Variants in SHISA9 observed in about 807,000 individuals in gnomAD.
The protein encoded by SHISA9 is shisa family member 9.
A neutral mutation model predicts 38.0 loss-of-function variants in SHISA9; 13 were observed. The observed-to-expected ratio is 0.34, with a 90% CI of 0.22 to 0.54. SHISA9 has a LOEUF of 0.54. Ranked by LOEUF, SHISA9 falls within the 20% of genes least tolerant of loss-of-function variation. SHISA9 has a pLI of 0.91. For synonymous variants in SHISA9, 275 were observed against 242.0 expected, an observed-to-expected ratio of 1.14 and a Z score of -1.27; for missense variants, 538 against 575.8, an observed-to-expected ratio of 0.93 and a Z score of 0.67.
rs557195159 is a variant in SHISA9 at position 13,202,149 on chromosome 16, C to G, written c.692-1245C>G. 4.1e-5 allele frequency among the ~76,000 whole-genome samples: 5 copies of G among 122,874 alleles called. 1 individual carries two copies. In the South Asian group the frequency reaches 1.3e-3, roughly 31 times the overall value. The allele number at this position is 122,874 out of a possible 152,430, so 80.6% of individuals were successfully genotyped here. ...GAAGATGGTGACACTTACCAGTGTT[C>G]ACTGGGTCCTGCCACCCTCTCCAAC... On this transcript the variant is annotated intron_variant, in intron 2 of 4. Transcript: ENST00000558583.
intron 2 of SHISA9, among the ~76,000 whole-genome samples, chr16:12,960,324 A>G (rs1039954332): frequency 2.0e-5 from 3 of 152,198 alleles, no homozygotes; most frequent in Non-Finnish European, 4.4e-5. Context: ...GTACATGTGC[A>G]GGATGTGCAG....
At chr16:12,919,032 T>C (rs2141724467) in intron 2 of SHISA9, among the ~76,000 whole-genome samples, 1 of 152,326 alleles carries the variant, frequency 6.6e-6, no homozygotes, top group East Asian at 1.9e-4. Context: ...CAGGAGCTAC[T>C]TACATATTAT....
At chr16:13,069,547 G>T (rs13332787) in intron 2 of SHISA9, among the ~76,000 whole-genome samples, 10,846 of 151,208 alleles carry the variant, frequency 0.072, 539 homozygotes, top group Admixed American at 0.15. Flanking sequence ...GCATGTGTAG[G>T]GTGTATGTAT....
intron 2 of SHISA9, among the ~76,000 whole-genome samples, chr16:12,918,405 T>C (rs749924104): frequency 2.6e-5 from 4 of 152,200 alleles, no homozygotes; most frequent in Non-Finnish European, 4.4e-5. Flanking sequence ...TAAAAGGTGA[T>C]TGCTAACAGG....
the SHISA9 span, among the ~76,000 whole-genome samples, chr16:13,288,105 C>G: frequency 6.6e-6 from 1 of 151,508 alleles, no homozygotes; most frequent in Non-Finnish European, 1.5e-5. Context: ...GCTGGGTGGC[C>G]AAGGTGATAA....
At chr16:13,474,717 C>G in the SHISA9 span, among the ~76,000 whole-genome samples, 2 of 152,206 alleles carry the variant, frequency 1.3e-5, no homozygotes, top group East Asian at 3.8e-4. Context: ...GAGCAGCTCA[C>G]TGGGGAAGGC....
At chr16:13,482,924 G>C in the SHISA9 span, among the ~76,000 whole-genome samples, 1 of 152,152 alleles carries the variant, frequency 6.6e-6, no homozygotes, top group Non-Finnish European at 1.5e-5. Flanking sequence ...TATTTAAGGT[G>C]AGAGTGTGGC....
intron 3 of SHISA9, among the ~76,000 whole-genome samples, chr16:13,211,616 T>G (rs140346431): frequency 6.6e-6 from 1 of 152,368 alleles, no homozygotes; most frequent in African/African-American, 2.4e-5. Context: ...TCCATGAGTG[T>G]GACCAAGTAC....
chr16:13,116,870 C>T (rs1247924198), intron 2 of SHISA9, among the ~76,000 whole-genome samples: 1 of 152,206 alleles, frequency 6.6e-6, no homozygotes, highest in Non-Finnish European at 1.5e-5. Context: ...ATGCATTACA[C>T]TTATTAATAT....
the SHISA9 span, among the ~76,000 whole-genome samples, chr16:13,259,101 C>A: frequency 5.3e-5 from 8 of 152,176 alleles, no homozygotes; most frequent in Admixed American, 3.3e-4. Flanking sequence ...TTCCTAGATA[C>A]AATGGGGGTA....
the SHISA9 span, among the ~76,000 whole-genome samples, chr16:13,377,564 T>G: frequency 6.6e-6 from 1 of 152,212 alleles, no homozygotes; most frequent in Admixed American, 6.5e-5. Context: ...CCCGATCACC[T>G]TTAATATGCT....
At chr16:13,405,484 C>T in the SHISA9 span, among the ~76,000 whole-genome samples, 2 of 152,178 alleles carry the variant, frequency 1.3e-5, no homozygotes, top group African/African-American at 2.4e-5. Flanking sequence ...GTTTCTTCAA[C>T]ATTTATTTTA....
At chr16:13,461,788 T>A in the SHISA9 span, among the ~76,000 whole-genome samples, 1,248 of 151,542 alleles carry the variant, frequency 8.2e-3, 16 homozygotes, top group African/African-American at 0.029. Flanking sequence ...TAATTTTTTG[T>A]ATTTTTAGTA....
At chr16:13,513,532 C>T in the SHISA9 span, among the ~76,000 whole-genome samples, 2 of 152,156 alleles carry the variant, frequency 1.3e-5, no homozygotes, top group Non-Finnish European at 2.9e-5. Context: ...AAGACATATG[C>T]ACATGTATGT....
intron 2 of SHISA9, among the ~76,000 whole-genome samples, chr16:13,088,954 A>G (rs2073743584): frequency 6.6e-6 from 1 of 152,162 alleles, no homozygotes; most frequent in Non-Finnish European, 1.5e-5. Context: ...GGTTTGTCTT[A>G]AATAGCTCTT....
chr16:13,176,661 C>A (rs2050734078), intron 2 of SHISA9, among the ~76,000 whole-genome samples: 1 of 152,168 alleles, frequency 6.6e-6, no homozygotes, highest in African/African-American at 2.4e-5. Context: ...TAGTGATGCC[C>A]ATTCCATCTC....
At chr16:13,189,364 G>A (rs1016049551) in intron 2 of SHISA9, among the ~76,000 whole-genome samples, 1 of 152,166 alleles carries the variant, frequency 6.6e-6, no homozygotes, top group Non-Finnish European at 1.5e-5. Context: ...ATGTGCTAGG[G>A]GCAGCTTAGC....
At chr16:13,006,609 G>A (rs2072601204) in intron 2 of SHISA9, among the ~76,000 whole-genome samples, 1 of 152,202 alleles carries the variant, frequency 6.6e-6, no homozygotes, top group Admixed American at 6.5e-5. Context: ...CTCACAATAG[G>A]TGCTTACCAA....
rs567787121 is a variant in SHISA9 at position 13,192,441 on chromosome 16, G to A, written c.692-10953G>A. 2.1e-3 allele frequency among the ~76,000 whole-genome samples: 321 copies of A among 152,164 alleles called. 1 individual carries two copies. The highest frequency in any genetic ancestry group is 7.2e-3 in the African/African-American group (298 of 41,512). On this transcript the variant is annotated intron_variant, in intron 2 of 4. Coordinates refer to ENST00000558583, the MANE Select transcript of SHISA9 (RefSeq NM_001145204.3). ...TTCTTTAGTAAGTGGTATAAGAGCT[G>A]GGAATCGTTAACCAAGCACAATGCC...
Sources: gnomAD v4.1 joint callset for allele counts (sites outside exome capture counted in the v4.1 genomes callset) on GRCh38, gnomAD v4.1.1 for gene constraint, MANE v1.5 for transcripts, NCBI Gene and HGNC (gene_info 2026-07-23, HGNC 2026-07-21) for gene names.